The following SLC35F1 variants were observed in gnomAD, a reference collection of about 807,000 sequenced individuals.
The protein encoded by SLC35F1 is solute carrier family 35 member F1, also known as chromosome 6 open reading frame 169.
SLC35F1 carries 14 observed loss-of-function variants against 48.7 expected under a neutral mutation model. The ratio of observed to expected loss-of-function variants is 0.29; its 90% CI spans 0.19 to 0.45. The LOEUF (loss-of-function observed/expected upper bound fraction) is 0.45, where lower values mean the gene tolerates loss of function less well. Among genes scored for constraint, SLC35F1 ranks in the 20% least tolerant of loss-of-function variants. The pLI, the probability that SLC35F1 is intolerant of heterozygous loss-of-function variation, is 1.00. For missense variants in SLC35F1, 404 were observed against 500.0 expected (o/e 0.81, Z 1.83); for synonymous variants, 190 against 202.2 (o/e 0.94, Z 0.51).
At chr6:118,275,707 G>A in intron 5 of SLC35F1, 92 bp downstream of exon 5, 2 of 1,253,424 alleles carry the variant, frequency 1.6e-6, no homozygotes, top group Non-Finnish European at 2.2e-6. Flanking sequence ...AATCAAGGCT[G>A]GAATCCAGAC....
intron 1 of SLC35F1, among the ~76,000 whole-genome samples, chr6:118,143,867 C>T (rs4360163): frequency 2.0e-5 from 3 of 152,088 alleles, no homozygotes; most frequent in African/African-American, 7.2e-5. Flanking sequence ...TGAGTCTCAG[C>T]TAGTTAGTGG....
At chr6:118,255,796 T>C (rs987746513) in intron 3 of SLC35F1, among the ~76,000 whole-genome samples, 3 of 152,208 alleles carry the variant, frequency 2.0e-5, no homozygotes, top group Non-Finnish European at 4.4e-5. Context: ...AGGGCTGTTA[T>C]ATATAGTTAG....
intron 1 of SLC35F1, among the ~76,000 whole-genome samples, chr6:118,102,362 T>C (rs1352739577): frequency 1.3e-5 from 2 of 152,156 alleles, no homozygotes; most frequent in Non-Finnish European, 2.9e-5. Context: ...TTTTAAATTT[T>C]TTTTAGAGAC....
chr6:118,087,877 T>C (rs1048757408), intron 1 of SLC35F1, among the ~76,000 whole-genome samples: 2 of 152,240 alleles, frequency 1.3e-5, no homozygotes, highest in Non-Finnish European at 2.9e-5. Flanking sequence ...AGAAACATTT[T>C]GTTATCATGT....
chr6:117,940,197 T>G (rs1299433712), intron 1 of SLC35F1, among the ~76,000 whole-genome samples: 1 of 152,232 alleles, frequency 6.6e-6, no homozygotes, highest in East Asian at 1.9e-4. Context: ...TGATTCATTA[T>G]ATATCTGTTT....
At chr6:118,155,959 A>T (rs1472963875) in intron 2 of SLC35F1, among the ~76,000 whole-genome samples, 2 of 152,220 alleles carry the variant, frequency 1.3e-5, no homozygotes, top group African/African-American at 2.4e-5. Flanking sequence ...CCAATACTGG[A>T]CTTCATCTCA....
At chr6:118,067,284 A>G (rs1011099778) in intron 1 of SLC35F1, among the ~76,000 whole-genome samples, 2 of 152,286 alleles carry the variant, frequency 1.3e-5, no homozygotes, top group East Asian at 1.9e-4. Flanking sequence ...CCAGATAGGA[A>G]TACAAGTAGA....
chr6:118,084,761 G>A (rs1772961234), intron 1 of SLC35F1, among the ~76,000 whole-genome samples: 2 of 151,992 alleles, frequency 1.3e-5, no homozygotes, highest in Non-Finnish European at 2.9e-5. Flanking sequence ...GGTCGGAGGT[G>A]GACAGGGTGC....
chr6:118,223,121 C>T (rs561333598), intron 2 of SLC35F1, among the ~76,000 whole-genome samples: 1 of 152,198 alleles, frequency 6.6e-6, no homozygotes, highest in South Asian at 2.1e-4. Flanking sequence ...TTCTACTGAA[C>T]TTGATTTCAG....
intron 1 of SLC35F1, among the ~76,000 whole-genome samples, chr6:118,115,430 AC>A (rs1419426774): frequency 6.6e-6 from 1 of 152,178 alleles, no homozygotes; most frequent in Admixed American, 6.6e-5. Context: ...TAATGATAAC[AC>A]TTTATTCTAT....
intron 7 of SLC35F1, among the ~76,000 whole-genome samples, chr6:118,310,158 C>A (rs550431975): frequency 1.3e-5 from 2 of 152,314 alleles, no homozygotes; most frequent in South Asian, 4.1e-4. Context: ...CTACAGTTTG[C>A]AAAGGAGAAG....
chr6:118,276,504 C>A (rs1775919979), intron 5 of SLC35F1, among the ~76,000 whole-genome samples: 1 of 151,898 alleles, frequency 6.6e-6, no homozygotes, highest in East Asian at 1.9e-4. Flanking sequence ...CAACAATCCA[C>A]CAAATTTTGG....
intron 1 of SLC35F1, among the ~76,000 whole-genome samples, chr6:117,962,724 G>T (rs1330851544): frequency 6.6e-6 from 1 of 152,164 alleles, no homozygotes; most frequent in Non-Finnish European, 1.5e-5. Flanking sequence ...TACTCCTGGG[G>T]GATCAAAGAA....
At chr6:118,286,293 G>A (rs1486217316) in intron 7 of SLC35F1, among the ~76,000 whole-genome samples, 6 of 152,170 alleles carry the variant, frequency 3.9e-5, no homozygotes, top group South Asian at 4.1e-4. Flanking sequence ...CGCAGCACTC[G>A]GGGGTGGCCA....
intron 2 of SLC35F1, among the ~76,000 whole-genome samples, chr6:118,233,267 G>A (rs972752120): frequency 6.6e-6 from 1 of 152,174 alleles, no homozygotes; most frequent in African/African-American, 2.4e-5. Context: ...GCCCAGCCAG[G>A]ACTTTTTAAA....
At chr6:118,071,216 A>G (rs1772719361) in intron 1 of SLC35F1, among the ~76,000 whole-genome samples, 1 of 147,230 alleles carries the variant, frequency 6.8e-6, no homozygotes, top group Non-Finnish European at 1.5e-5. Context: ...TATATATACT[A>G]TGTGTATATA....
chr6:118,274,392 TTTTA>T (rs769259480), intron 4 of SLC35F1, among the ~76,000 whole-genome samples: 6 of 152,202 alleles, frequency 3.9e-5, no homozygotes, highest in African/African-American at 1.4e-4. Flanking sequence ...TTGAGTTTAT[TTTTA>T]TTTATTTATT....
intron 1 of SLC35F1, among the ~76,000 whole-genome samples, chr6:118,045,233 T>TGG: frequency 1.3e-5 from 2 of 152,314 alleles, no homozygotes; most frequent in Admixed American, 1.3e-4. Flanking sequence ...TTGTATCACT[T>TGG]GCAGTAAAGA....
At chr6:117,953,647 G>C (rs759481515) in intron 1 of SLC35F1, among the ~76,000 whole-genome samples, 1 of 152,206 alleles carries the variant, frequency 6.6e-6, no homozygotes, top group Non-Finnish European at 1.5e-5. Context: ...GGGTCAGCCA[G>C]GGACCAGAAC....
Sources: gnomAD v4.1 joint callset for allele counts (sites outside exome capture counted in the v4.1 genomes callset) on GRCh38, gnomAD v4.1.1 for gene constraint, MANE v1.5 for transcripts, NCBI Gene and HGNC (gene_info 2026-07-23, HGNC 2026-07-21) for gene names.